CDHR1: variants seen among roughly 807,000 people sequenced by gnomAD.
The protein encoded by CDHR1 is cadherin related family member 1.
Under a neutral mutation model 72.1 loss-of-function variants are expected in CDHR1, and 61 were observed. That is an observed-to-expected ratio of 0.85 (90% CI 0.69 to 1.05). The LOEUF (loss-of-function observed/expected upper bound fraction) is 1.05, where lower values mean the gene tolerates loss of function less well. CDHR1 is among the 50% of genes least tolerant of loss of function. The probability of loss-of-function intolerance (pLI) is 0.00; values close to 1 mark genes in which losing one functional copy is unlikely to be tolerated. For synonymous variants in CDHR1, 470 were observed against 448.1 expected (o/e 1.05, Z -0.62); for missense variants, 1,186 against 1,115.7 (o/e 1.06, Z -0.90).
rs1416033383 is a variant in CDHR1 at position 84,216,485 on chromosome 10, C to A, written c.*1864C>A. ...ATCCTTACAGCTTGCATGCAATCAA[C>A]CTCTTTTGTAAATGGAAAATAAAGT... is the stretch of plus-strand genomic sequence containing the variant. On this transcript the variant is annotated 3_prime_UTR_variant, in exon 17 of 17. Coordinates refer to ENST00000623527, the MANE Select transcript of CDHR1 (RefSeq NM_033100.4). 5 of 985,408 alleles carry A rather than the reference C, an allele frequency of 5.1e-6. No individual in the cohort carries two copies. Among genetic ancestry groups the A allele is most frequent in the Non-Finnish European group, 4.8e-6 (4 of 829,972 alleles). The allele number at this position is 985,408 out of a possible 1,614,324, so 61.0% of individuals were successfully genotyped here. A position where few individuals can be genotyped will look rare whatever the true frequency, so the allele number is the denominator to read the frequency against.
chr10:84,217,641 G>C lies in CDHR1; in HGVS notation c.*3020G>C. The C allele has an allele frequency of 1.0e-6, 1 of 985,340 alleles. No homozygotes were observed. The highest frequency in any genetic ancestry group is 1.2e-6 in the Non-Finnish European group (1 of 829,928). The allele number at this position is 985,340 out of a possible 1,614,324, so 61.0% of individuals were successfully genotyped here. A position where few individuals can be genotyped will look rare whatever the true frequency, so the allele number is the denominator to read the frequency against. The stretch of plus-strand genomic sequence containing the variant: ...TACACAAGCTCAGTAGACACTTGCC[G>C]TGACTGTGGCCCACATACTAGAACA... On this transcript the variant is annotated 3_prime_UTR_variant, in exon 17 of 17. Transcript: ENST00000623527.
At chr10:84,197,968 T>G (rs1358692958) in intron 4 of CDHR1, 132 bp downstream of exon 4, 1 of 806,660 alleles carries the variant, frequency 1.2e-6, no homozygotes, top group Non-Finnish European at 2.1e-6. Flanking sequence ...CAGCAAGACC[T>G]GCCCAAAGTG....
At position 84,212,058 on chromosome 10, in the gene CDHR1, T is replaced by C. The variant is rs2132830050; in HGVS notation, c.1554-121T>C. The C allele has an allele frequency of 1.5e-5, 13 of 872,820 alleles. No individual in the cohort carries two copies. The South Asian group carries it at 1.7e-4, about 11-fold the overall frequency. 54.1% of individuals were successfully genotyped at this position (872,820 alleles called of 1,614,324 possible). ...ATAGGAGGGAGCAGGTAGGACACTTTGGAGGAGCTGCATGACACCTCACTC... is the reference window on the plus strand; with the variant it reads ...ATAGGAGGGAGCAGGTAGGACACTTCGGAGGAGCTGCATGACACCTCACTC... On this transcript the variant is annotated intron_variant, in intron 14 of 16. Coordinates refer to ENST00000623527, the MANE Select transcript of CDHR1 (RefSeq NM_033100.4).
intron 6 of CDHR1, 101 bp downstream of exon 6, chr10:84,200,788 T>C (rs1564657817): frequency 1.3e-6 from 1 of 796,168 alleles, no homozygotes; most frequent in East Asian, 2.7e-5. Flanking sequence ...GGTGCCTCTA[T>C]GATTCCCGAG....
intron 2 of CDHR1, 55 bp downstream of exon 2, chr10:84,195,644 C>T: frequency 1.3e-6 from 2 of 1,484,310 alleles, no homozygotes; most frequent in Non-Finnish European, 1.9e-6. Flanking sequence ...TGCAGGCAGA[C>T]TTAGAACACA....
chr10:84,206,031 G>A (rs946411811), intron 10 of CDHR1, 104 bp downstream of exon 10: 1 of 830,602 alleles, frequency 1.2e-6, no homozygotes, highest in Non-Finnish European at 2.0e-6. Context: ...AGTCTGGGGA[G>A]GGGGCTAGAT....
rs765320937 is a variant in CDHR1, at chr10:84,202,990, G to T, written c.650G>T (p.Gly217Val). The T allele has an allele frequency of 8.7e-6, 14 of 1,614,060 alleles. No individual in the cohort carries two copies. In the South Asian group the frequency reaches 1.5e-4, roughly 18 times the overall value. The change falls in exon 8 of 17, where the codon GGG (glycine) becomes GTG (valine). Residue 217 changes from glycine (G) to valine (V), a missense_variant. Coordinates refer to ENST00000623527, the MANE Select transcript of CDHR1 (RefSeq NM_033100.4). ...YITVVAKDGG[G>V]RLHGADVVFS... ...CCGATTCTTCTGCAGGATGGCGGTGGGAGGCTTCATGGGGCTGATGTGGTG... is the reference window on the plus strand; with the variant it reads ...CCGATTCTTCTGCAGGATGGCGGTGTGAGGCTTCATGGGGCTGATGTGGTG...
chr10:84,206,276 GA>G (rs1481780897), intron 10 of CDHR1, among the ~76,000 whole-genome samples: 4 of 152,182 alleles, frequency 2.6e-5, no homozygotes, highest in Non-Finnish European at 5.9e-5. Context: ...GAACAACAAG[GA>G]GTCAGTTGAG....
downstream of CDHR1, chr10:84,218,969 A>T (rs1842468155): frequency 1.6e-5 from 8 of 486,414 alleles, no homozygotes; most frequent in Admixed American, 8.6e-5. Context: ...TTTGTATGTT[A>T]AAAAAAAAGC....
chr10:84,194,848 G>A (rs1841998665), intron 1 of CDHR1, 33 bp downstream of exon 1: 1 of 1,530,126 alleles, frequency 6.5e-7, no homozygotes, highest in Admixed American at 2.0e-5. Context: ...TGGCCGCGTG[G>A]ATGGCGAGGG....
rs888434293 is a variant in CDHR1, at chr10:84,214,927, G to A, written c.*306G>A. 1.3e-5 allele frequency: 17 copies of A among 1,311,412 alleles called. No individual in the cohort carries two copies. In the African/African-American group the frequency reaches 1.8e-4, roughly 14 times the overall value. 81.2% of individuals were successfully genotyped at this position (1,311,412 alleles called of 1,614,324 possible). A position where few individuals can be genotyped will look rare whatever the true frequency, so the allele number is the denominator to read the frequency against. The stretch of plus-strand genomic sequence containing the variant: ...CCATTCTTCAGGGCTGAGAATTGAC[G>A]AGAAGCCAGCTCACCCATCCCAGAC... On this transcript the variant is annotated 3_prime_UTR_variant, in exon 17 of 17. Coordinates refer to ENST00000623527, the MANE Select transcript of CDHR1 (RefSeq NM_033100.4).
At chr10:84,199,252 A>G (rs771832101) in intron 5 of CDHR1, 131 bp downstream of exon 5, 101 of 740,656 alleles carry the variant, frequency 1.4e-4, no homozygotes, top group Non-Finnish European at 2.2e-4. Context: ...GCTCCCTCCA[A>G]CATTCGCTTT....
At chr10:84,208,568 GCCTAAAGGCA>G (rs1290801669) in intron 11 of CDHR1, among the ~76,000 whole-genome samples, 151 bp from the exon 12 acceptor site, 1 of 152,200 alleles carries the variant, frequency 6.6e-6, no homozygotes, top group Non-Finnish European at 1.5e-5. Flanking sequence ...TATCTGCTTA[GCCTAAAGGCA>G]CTCACAGTCC....
rs867038689 is a variant in CDHR1 at position 84,217,854 on chromosome 10, G to A, written c.*3233G>A. The A allele has an allele frequency of 1.0e-5, 10 of 985,476 alleles. No individual in the cohort carries two copies. Among genetic ancestry groups the A allele is most frequent in the Admixed American group, 1.2e-4 (2 of 16,288 alleles). The allele number at this position is 985,476 out of a possible 1,614,324, so 61.0% of individuals were successfully genotyped here. ...TGTAGCCGGCAGCCTGCATTTGGGC[G>A]TTGACATTCCAGGGGAGTTAGGAAC... On this transcript the variant is annotated 3_prime_UTR_variant, in exon 17 of 17. Coordinates refer to ENST00000623527, the MANE Select transcript of CDHR1 (RefSeq NM_033100.4).
chr10:84,211,080 A>C lies in CDHR1; in HGVS notation c.1400A>C (p.Asp467Ala), dbSNP rs146934914. ...DVVIQLLDTN[D>A]NVPKFDSLYY... ...GTGATCCAGCTCCTGGACACCAATG[A>C]CAATGTCCCCAAGTTCGACTCCCTC... Residue 467 changes from aspartate (D) to alanine (A), a missense_variant, in exon 13 of 17, where the codon GAC becomes GCC. Asp to Ala is a moderately radical substitution (Grantham distance 126). Coordinates refer to ENST00000623527, the MANE Select transcript of CDHR1 (RefSeq NM_033100.4). 14 of 1,614,084 alleles carry C rather than the reference A, an allele frequency of 8.7e-6. No individual in the cohort carries two copies. In the East Asian group the frequency reaches 2.9e-4, roughly 33 times the overall value.
Position 84,218,504 on chromosome 10 carries a change from A to G in CDHR1, c.*3883A>G. On this transcript the variant is annotated 3_prime_UTR_variant, in exon 17 of 17. Transcript: ENST00000623527. ...AGGTGTTAGGTGTATGTCTCTAACA[A>G]GATAGAAGGAAAGAAGAAAAGAAAA... The G allele has an allele frequency of 1.0e-6, 1 of 985,442 alleles. No homozygotes were observed. Among genetic ancestry groups the G allele is most frequent in the African/African-American group, 1.7e-5 (1 of 57,352 alleles). The allele number at this position is 985,442 out of a possible 1,614,324, so 61.0% of individuals were successfully genotyped here. A position where few individuals can be genotyped will look rare whatever the true frequency, so the allele number is the denominator to read the frequency against.
chr10:84,200,524 G>C, intron 5 of CDHR1, 77 bp from the exon 6 acceptor site: 2 of 950,994 alleles, frequency 2.1e-6, no homozygotes, highest in Non-Finnish European at 3.4e-6. Context: ...CCCCACTGCT[G>C]CATGCCCCTA....
At position 84,216,681 on chromosome 10, in the gene CDHR1, T is replaced by A. The variant is rs1369934053; in HGVS notation, c.*2060T>A. 7.1e-6 allele frequency: 7 copies of A among 985,424 alleles called. No individual in the cohort carries two copies. The highest frequency in any genetic ancestry group is 7.2e-6 in the Non-Finnish European group (6 of 829,944). The allele number at this position is 985,424 out of a possible 1,614,324, so 61.0% of individuals were successfully genotyped here. On this transcript the variant is annotated 3_prime_UTR_variant, in exon 17 of 17. Coordinates refer to ENST00000623527, the MANE Select transcript of CDHR1 (RefSeq NM_033100.4). ...ATGTGACTCTAAAGAAGGCTGAAAA[T>A]TTTTGTCCAAATTGCCATGCAGATA... is the stretch of plus-strand genomic sequence containing the variant.
rs1357627744 is a variant in CDHR1 at position 84,197,593 on chromosome 10, C to T, written c.298-193C>T. ...GGACACAAAAGTCCCAAAATAAGGT[C>T]TCAAGCATGGGGGGAGGCAGCTTTC... is the stretch of plus-strand genomic sequence containing the variant. On this transcript the variant is annotated intron_variant, in intron 3 of 16. Transcript: ENST00000623527. 2.0e-5 allele frequency among the ~76,000 whole-genome samples: 3 copies of T among 152,132 alleles called. No individual in the cohort carries two copies. In the East Asian group the frequency reaches 5.8e-4, roughly 29 times the overall value.
Sources: gnomAD v4.1 joint callset for allele counts (sites outside exome capture counted in the v4.1 genomes callset) on GRCh38, gnomAD v4.1.1 for gene constraint, MANE v1.5 for transcripts, NCBI Gene and HGNC (gene_info 2026-07-23, HGNC 2026-07-21) for gene names.